Variants in MYO1E observed in about 807,000 individuals in gnomAD.
MYO1E encodes the protein myosin IE.
Under a neutral mutation model 151.1 loss-of-function variants are expected in MYO1E, and 68 were observed. The observed-to-expected ratio is 0.45, with a 90% CI of 0.37 to 0.55. The LOEUF (loss-of-function observed/expected upper bound fraction) is 0.55, where lower values mean the gene tolerates loss of function less well. Among genes scored for constraint, MYO1E ranks in the 20% least tolerant of loss-of-function variants. MYO1E has a pLI of 0.00. For missense variants in MYO1E, 1,363 were observed against 1,389.3 expected, an observed-to-expected ratio of 0.98 and a Z score of 0.30; for synonymous variants, 601 against 501.7, an observed-to-expected ratio of 1.20 and a Z score of -2.64.
At chr15:59,206,933 G>A (rs370874779) in intron 14 of MYO1E, 20 of 1,606,374 alleles carry the variant, frequency 1.2e-5, no homozygotes, top group Non-Finnish European at 1.5e-5. Context: ...CTTCTTCAGT[G>A]AGCAGCCATG....
intron 14 of MYO1E, 30 bp downstream of exon 14, chr15:59,208,651 G>A: frequency 6.2e-7 from 1 of 1,613,362 alleles, no homozygotes; most frequent in South Asian, 1.1e-5. Context: ...GCTTAAAACA[G>A]ATAGACATTA....
chr15:59,218,016 T>A lies in MYO1E; in HGVS notation c.982A>T (p.Met328Leu), dbSNP rs2079930412. 3 of 1,614,246 alleles carry A rather than the reference T, an allele frequency of 1.9e-6. No individual in the cohort carries two copies. The highest frequency in any genetic ancestry group is 2.5e-6 in the Non-Finnish European group (3 of 1,180,036). The change falls in exon 10 of 28, where the codon ATG (methionine) becomes TTG (leucine). Residue 328 changes from methionine to leucine, a missense_variant. Transcript: ENST00000288235. ...GATTTGCCTCCCCACTTGCTATCCA[T>A]CTGCCGGCTTGTTAGCTTTTCTTTC... ...RLKEKLTSRQMDSKWGGKSES... is the reference protein window; with the variant it reads ...RLKEKLTSRQLDSKWGGKSES...
chr15:59,182,103 G>A (rs2079665058), intron 18 of MYO1E, among the ~76,000 whole-genome samples: 1 of 152,224 alleles, frequency 6.6e-6, no homozygotes, highest in Non-Finnish European at 1.5e-5. Context: ...CCACTTTTGA[G>A]TGGACTGCTT....
intron 26 of MYO1E, among the ~76,000 whole-genome samples, chr15:59,139,829 C>T (rs1291921421): frequency 6.6e-6 from 1 of 151,804 alleles, no homozygotes; most frequent in Non-Finnish European, 1.5e-5. Flanking sequence ...CCCTCATACC[C>T]TCATCATTAC....
At chr15:59,216,309 G>A (rs1051895881) in intron 10 of MYO1E, among the ~76,000 whole-genome samples, 3 of 151,804 alleles carry the variant, frequency 2.0e-5, no homozygotes, top group African/African-American at 4.8e-5. Context: ...GCCTCCCTTA[G>A]TTTATCTGTA....
intron 2 of MYO1E, among the ~76,000 whole-genome samples, chr15:59,266,366 G>GA (rs1342043790): frequency 1.3e-5 from 2 of 151,804 alleles, no homozygotes; most frequent in Non-Finnish European, 2.9e-5. Context: ...AAAACAGAAG[G>GA]AAAAAAATGC....
intron 16 of MYO1E, among the ~76,000 whole-genome samples, chr15:59,198,042 A>C (rs1454065502): frequency 1.3e-5 from 2 of 151,932 alleles, no homozygotes; most frequent in African/African-American, 2.4e-5. Context: ...TTGAAAAAAA[A>C]TTTTTGTAGA....
At chr15:59,157,567 C>A (rs2079515792) in intron 25 of MYO1E, among the ~76,000 whole-genome samples, 1 of 152,172 alleles carries the variant, frequency 6.6e-6, no homozygotes, top group Non-Finnish European at 1.5e-5. Flanking sequence ...TTTGCCCAGC[C>A]TATCCATGCT....
At chr15:59,230,215 AGTGTGTGTTTGTGT>A (rs1350816209) in intron 6 of MYO1E, among the ~76,000 whole-genome samples, 204 of 118,410 alleles carry the variant, frequency 1.7e-3, no homozygotes, top group African/African-American at 4.5e-3. Context: ...AGAGAGAGAC[AGTGTGTGTTTGTGT>A]GTGTGTGTGT....
chr15:59,207,978 G>C, intron 14 of MYO1E: 1 of 1,614,070 alleles, frequency 6.2e-7, no homozygotes, highest in South Asian at 1.1e-5. Context: ...TCCTGGGAGA[G>C]AACGGTATTA....
chr15:59,364,098 G>A (rs1193863603), intron 1 of MYO1E, among the ~76,000 whole-genome samples: 1 of 152,140 alleles, frequency 6.6e-6, no homozygotes, highest in African/African-American at 2.4e-5. Flanking sequence ...AAGCCTGTAT[G>A]CTAACCTCCT....
intron 1 of MYO1E, among the ~76,000 whole-genome samples, chr15:59,342,594 G>C (rs1357515978): frequency 1.3e-5 from 2 of 152,132 alleles, no homozygotes; most frequent in Non-Finnish European, 2.9e-5. Context: ...TGATTGCAGA[G>C]TTTAGTCTAT....
chr15:59,290,550 TC>T (rs1462860780), intron 1 of MYO1E, among the ~76,000 whole-genome samples: 1 of 152,162 alleles, frequency 6.6e-6, no homozygotes, highest in African/African-American at 2.4e-5. Flanking sequence ...AAAGTCAGAC[TC>T]CCCATGCCTG....
intron 13 of MYO1E, among the ~76,000 whole-genome samples, chr15:59,209,815 CTTTTTTTTTTTTTTTTT>C (rs71119441): frequency 8.0e-5 from 4 of 49,872 alleles, no homozygotes; most frequent in East Asian, 6.6e-4. Flanking sequence ...TTTGAATCAC[CTTTTTTTTTTTTTTTTT>C]TTTTTTTTTT....
intron 14 of MYO1E, chr15:59,207,034 C>T: frequency 1.2e-6 from 2 of 1,614,242 alleles, no homozygotes; most frequent in Non-Finnish European, 8.5e-7. Flanking sequence ...GTGTCCGCGT[C>T]AAGCAACGCG....
At chr15:59,323,343 C>A (rs1171967683) in intron 1 of MYO1E, among the ~76,000 whole-genome samples, 1 of 151,740 alleles carries the variant, frequency 6.6e-6, no homozygotes, top group Non-Finnish European at 1.5e-5. Context: ...AGGGAATTGA[C>A]ATTCAGATTT....
intron 1 of MYO1E, among the ~76,000 whole-genome samples, chr15:59,289,433 A>G (rs767981727): frequency 1.2e-4 from 19 of 152,172 alleles, no homozygotes; most frequent in Non-Finnish European, 2.6e-4. Context: ...ATTTCATCTT[A>G]GTTTTTAATG....
intron 16 of MYO1E, among the ~76,000 whole-genome samples, chr15:59,198,431 T>C (rs1271428301): frequency 6.6e-6 from 1 of 152,150 alleles, no homozygotes; most frequent in African/African-American, 2.4e-5. Context: ...AATCACTAGA[T>C]TTCTCTGGTC....
At chr15:59,262,947 A>C (rs558338920) in intron 2 of MYO1E, among the ~76,000 whole-genome samples, 1 of 152,290 alleles carries the variant, frequency 6.6e-6, no homozygotes, top group South Asian at 2.1e-4. Context: ...GGGATATGAC[A>C]GTGAACAAAA....
Sources: allele counts gnomAD v4.1 joint callset (sites outside exome capture counted in the v4.1 genomes callset), GRCh38; gene constraint gnomAD v4.1.1; transcripts MANE v1.5; gene names NCBI Gene and HGNC (gene_info 2026-07-23, HGNC 2026-07-21).